Variants in SEMA6A observed in about 807,000 individuals in gnomAD.
SEMA6A encodes semaphorin 6A.
In SEMA6A, 25 loss-of-function variants were observed where a neutral mutation model predicts 96.8. The observed-to-expected ratio is 0.26, with a 90% CI of 0.19 to 0.36. The LOEUF is 0.36. SEMA6A is among the 10% of genes least tolerant of loss of function. The pLI is 1.00. For synonymous variants in SEMA6A, 612 were observed against 518.0 expected (o/e 1.18, Z -2.46); for missense variants, 1,363 against 1,323.1 (o/e 1.03, Z -0.47).
intron 16 of SEMA6A, among the ~76,000 whole-genome samples, chr5:116,474,059 T>C (rs1756313362): frequency 6.6e-6 from 1 of 152,194 alleles, no homozygotes; most frequent in Non-Finnish European, 1.5e-5. Context: ...CCTTAGGTTC[T>C]TCTGCCTGAG....
At chr5:116,509,947 C>A (rs1255997055) in intron 1 of SEMA6A, among the ~76,000 whole-genome samples, 1 of 152,162 alleles carries the variant, frequency 6.6e-6, no homozygotes, top group Non-Finnish European at 1.5e-5. Context: ...TCCCTCTACA[C>A]TCTTTCCTGG....
At chr5:116,552,429 T>C (rs1247984114) in intron 1 of SEMA6A, among the ~76,000 whole-genome samples, 2 of 152,256 alleles carry the variant, frequency 1.3e-5, no homozygotes, top group Middle Eastern at 3.4e-3. Flanking sequence ...TGAAATGAGA[T>C]GGTGCATATA....
At chr5:116,457,868 G>C (rs1468627610) in intron 18 of SEMA6A, among the ~76,000 whole-genome samples, 2 of 152,060 alleles carry the variant, frequency 1.3e-5, no homozygotes, top group Non-Finnish European at 2.9e-5. Flanking sequence ...TATCTCCCTG[G>C]AACCAACAAA....
rs1033439165 is a variant in SEMA6A, at chr5:116,519,806, C to A, written c.-38-14824G>T. 5.3e-5 allele frequency among the ~76,000 whole-genome samples: 8 copies of A among 152,256 alleles called. No homozygotes were observed. In the South Asian group the frequency reaches 1.5e-3, roughly 28 times the overall value. ...TCTATTTCCAAAGTACATGCCAAAT[C>A]TGCCCACTTCCCTATGTTCTACCTA... is the stretch of plus-strand genomic sequence containing the variant. On this transcript the variant is annotated intron_variant, in intron 1 of 18. Coordinates refer to ENST00000343348, the MANE Select transcript of SEMA6A (RefSeq NM_020796.5).
At chr5:116,560,689 CTA>C (rs1198822570) in intron 1 of SEMA6A, among the ~76,000 whole-genome samples, 1 of 152,056 alleles carries the variant, frequency 6.6e-6, no homozygotes, top group Non-Finnish European at 1.5e-5. Flanking sequence ...CCTTATGTAA[CTA>C]TTTATTTTTA....
chr5:116,559,253 G>T (rs1340608328), intron 1 of SEMA6A, among the ~76,000 whole-genome samples: 1 of 152,178 alleles, frequency 6.6e-6, no homozygotes, highest in Non-Finnish European at 1.5e-5. Flanking sequence ...ACTAGTGAAA[G>T]ATTCTCTCCC....
At position 116,484,068 on chromosome 5, in the gene SEMA6A, A is replaced by G. The variant is rs1299983185; in HGVS notation, c.963-1493T>C. Among the ~76,000 whole-genome samples, 299 of 38,002 alleles carry G rather than the reference A, an allele frequency of 7.9e-3. 2 individuals are homozygous for G. The African/African-American group carries it at 0.079, about 10-fold the overall frequency. 24.9% of individuals were successfully genotyped at this position (38,002 alleles called of 152,430 possible). ...GACAGAGTGAGACTCTGTCTGAAGA[A>G]AAAAAAAAAAAAAAAAAAGACAGTG... On this transcript the variant is annotated intron_variant, in intron 10 of 18. Transcript: ENST00000343348.
intron 3 of SEMA6A, among the ~76,000 whole-genome samples, chr5:116,500,317 C>T (rs536454186): frequency 6.6e-6 from 1 of 152,298 alleles, no homozygotes; most frequent in Admixed American, 6.5e-5. Flanking sequence ...TGGTTCAAAT[C>T]CTGCCTCTGT....
chr5:116,573,933 G>A (rs1297252176), intron 1 of SEMA6A, among the ~76,000 whole-genome samples: 1 of 150,424 alleles, frequency 6.6e-6, no homozygotes, highest in Non-Finnish European at 1.5e-5. Context: ...CGCCGGGCGT[G>A]TGCGCAACGC....
intron 15 of SEMA6A, among the ~76,000 whole-genome samples, chr5:116,477,038 C>T (rs1157569400): frequency 1.3e-5 from 2 of 152,138 alleles, no homozygotes; most frequent in Non-Finnish European, 2.9e-5. Context: ...TGGTTCTGTT[C>T]CCCCTTTGGA....
At position 116,495,602 on chromosome 5, in the gene SEMA6A, G is replaced by C. The variant is rs1467721897; in HGVS notation, c.343-88C>G. 4 of 966,240 alleles carry C rather than the reference G, an allele frequency of 4.1e-6. No individual in the cohort carries two copies. In the African/African-American group the frequency reaches 6.5e-5, roughly 16 times the overall value. The allele number at this position is 966,240 out of a possible 1,614,324, so 59.9% of individuals were successfully genotyped here. ...GTATGCCATGGTTGGCTGACAGTAA[G>C]GTTAAAGTGGAGGTGGCTGAGGACT... On this transcript the variant is annotated intron_variant, in intron 5 of 18. Coordinates refer to ENST00000343348, the MANE Select transcript of SEMA6A (RefSeq NM_020796.5).
intron 3 of SEMA6A, among the ~76,000 whole-genome samples, chr5:116,499,481 A>G (rs2112759369): frequency 6.6e-6 from 1 of 152,276 alleles, no homozygotes; most frequent in East Asian, 1.9e-4. Context: ...CTGCCTAGAA[A>G]CCTAGATCTC....
chr5:116,560,888 G>A (rs1021466294), intron 1 of SEMA6A, among the ~76,000 whole-genome samples: 1 of 152,140 alleles, frequency 6.6e-6, no homozygotes, highest in African/African-American at 2.4e-5. Context: ...AGCCTCAGAC[G>A]AAATCCTCAA....
intron 18 of SEMA6A, among the ~76,000 whole-genome samples, chr5:116,453,359 C>G (rs1287915903): frequency 1.3e-5 from 2 of 152,178 alleles, no homozygotes; most frequent in Non-Finnish European, 2.9e-5. Flanking sequence ...TAAAGTGTCC[C>G]CAGAGCTCTG....
At chr5:116,519,097 T>C (rs565540734) in intron 1 of SEMA6A, among the ~76,000 whole-genome samples, 1 of 152,072 alleles carries the variant, frequency 6.6e-6, no homozygotes, top group African/African-American at 2.4e-5. Flanking sequence ...CACTAAGACA[T>C]GAAAGAAAGG....
intron 18 of SEMA6A, among the ~76,000 whole-genome samples, chr5:116,456,760 G>A (rs1351308329): frequency 6.6e-6 from 1 of 152,216 alleles, no homozygotes; most frequent in East Asian, 1.9e-4. Context: ...AGAAGAAGCA[G>A]AATGCTTGAT....
intron 1 of SEMA6A, among the ~76,000 whole-genome samples, chr5:116,507,499 A>G (rs1758194967): frequency 6.6e-6 from 1 of 152,216 alleles, no homozygotes; most frequent in African/African-American, 2.4e-5. Flanking sequence ...AGCCCAGGAG[A>G]ACAAAAACCA....
chr5:116,469,139 A>C (rs977756838), intron 17 of SEMA6A: 1 of 152,180 alleles, frequency 6.6e-6, no homozygotes, highest in Non-Finnish European at 1.5e-5. Flanking sequence ...ACCACACTTA[A>C]ATGCTGCCAC....
rs1014654668 is a variant in SEMA6A at position 116,446,955 on chromosome 5, C to T, written c.2751G>A (p.Lys917=). ...TGAGCGAGTTCGTGGGGTAGCTCCTCTTATAGTCAACCCCGTAGGAAGAGG... is the reference window on the plus strand; with the variant it reads ...TGAGCGAGTTCGTGGGGTAGCTCCTTTTATAGTCAACCCCGTAGGAAGAGG... ...HHSSSYGVDY[K]RSYPTNSLTR... is the part of the protein sequence containing the mutation. The change falls in exon 19 of 19, where the codon AAG becomes AAA. Residue 917 remains lysine (K), a synonymous_variant. Coordinates refer to ENST00000343348, the MANE Select transcript of SEMA6A (RefSeq NM_020796.5). 5 of 1,613,808 alleles carry T rather than the reference C, an allele frequency of 3.1e-6. No individual in the cohort carries two copies. The African/African-American group carries it at 6.7e-5, about 22-fold the overall frequency.
Sources: gnomAD v4.1 joint callset for allele counts (sites outside exome capture counted in the v4.1 genomes callset) on GRCh38, gnomAD v4.1.1 for gene constraint, MANE v1.5 for transcripts, NCBI Gene and HGNC (gene_info 2026-07-23, HGNC 2026-07-21) for gene names.